The following BRD9 variants were observed in gnomAD, a reference collection of about 807,000 sequenced individuals.
BRD9 encodes the protein bromodomain-containing protein 9.
A neutral mutation model predicts 68.7 loss-of-function variants in BRD9; 47 were observed. That is an observed-to-expected ratio of 0.68 (90% CI 0.54 to 0.87). The LOEUF (loss-of-function observed/expected upper bound fraction) is 0.87, where lower values mean the gene tolerates loss of function less well. Among genes scored for constraint, BRD9 ranks in the 40% least tolerant of loss-of-function variants. BRD9 has a pLI of 0.00. For synonymous variants in BRD9, 313 were observed against 293.9 expected (o/e 1.06, Z -0.67); for missense variants, 670 against 748.4 (o/e 0.90, Z 1.22).
chr5:864,353 C>A lies in BRD9; in HGVS notation c.*115G>T. ...CAGACAATTCATTACCTCCCCGCGG[C>A]TGCTTCCCGCATGCCAAAGGGGACA... On this transcript the variant is annotated 3_prime_UTR_variant, in exon 16 of 16. Coordinates refer to ENST00000467963, the MANE Select transcript of BRD9 (RefSeq NM_023924.5). The A allele has an allele frequency of 1.2e-6, 1 of 827,272 alleles. No homozygotes were observed. The highest frequency in any genetic ancestry group is 1.8e-6 in the Non-Finnish European group (1 of 544,132). The allele number at this position is 827,272 out of a possible 1,614,324, so 51.2% of individuals were successfully genotyped here.
intron 11 of BRD9, 133 bp from the exon 12 acceptor site, chr5:876,345 T>C (rs942869464): frequency 3.2e-6 from 2 of 619,608 alleles, no homozygotes; most frequent in Middle Eastern, 3.9e-4. Flanking sequence ...GCGGGTATTT[T>C]GTGGGGAGTG....
At chr5:882,078 C>T (rs1373140838) in intron 8 of BRD9, 2 of 152,758 alleles carry the variant, frequency 1.3e-5, no homozygotes, top group Non-Finnish European at 2.9e-5. Flanking sequence ...AGGCATCTCC[C>T]AGCTCTATCT....
At chr5:877,420 C>T (rs937087694) in intron 11 of BRD9, among the ~76,000 whole-genome samples, 5 of 152,208 alleles carry the variant, frequency 3.3e-5, no homozygotes, top group African/African-American at 1.2e-4. Flanking sequence ...CAGGTTTTCA[C>T]TTATTTTATG....
chr5:882,702 C>G (rs1751955270), intron 8 of BRD9, among the ~76,000 whole-genome samples: 1 of 150,782 alleles, frequency 6.6e-6, no homozygotes, highest in Non-Finnish European at 1.5e-5. Flanking sequence ...CACAACCTCC[C>G]AACACATAAG....
At chr5:874,627 G>A (rs1560901863) in intron 12 of BRD9, among the ~76,000 whole-genome samples, 1 of 152,356 alleles carries the variant, frequency 6.6e-6, no homozygotes, top group East Asian at 1.9e-4. Context: ...AGTGACTGAG[G>A]ACTTCAAAAG....
At position 884,139 on chromosome 5, in the gene BRD9, G is replaced by A. The variant is rs530573691; in HGVS notation, c.834-69C>T. 1.3e-3 allele frequency: 2,048 copies of A among 1,576,536 alleles called. 1 individual carries two copies. Among genetic ancestry groups the A allele is most frequent in the South Asian group, 1.6e-3 (142 of 89,114 alleles). On this transcript the variant is annotated intron_variant, in intron 7 of 15. Coordinates refer to ENST00000467963, the MANE Select transcript of BRD9 (RefSeq NM_023924.5). Reference sequence around the variant, plus strand: ...ACCGCACACCTGCTCCCCATGCGTCGGCACCTAACCCAGCTTCTACCGACC... The same window carrying A: ...ACCGCACACCTGCTCCCCATGCGTCAGCACCTAACCCAGCTTCTACCGACC...
intron 14 of BRD9, among the ~76,000 whole-genome samples, chr5:867,864 G>A (rs1219731548): frequency 6.6e-6 from 1 of 152,258 alleles, no homozygotes; most frequent in Non-Finnish European, 1.5e-5. Context: ...ATGCTGGAAT[G>A]AGTTAAGACT....
At chr5:874,157 C>T (rs907192297) in intron 12 of BRD9, among the ~76,000 whole-genome samples, 5 of 151,136 alleles carry the variant, frequency 3.3e-5, no homozygotes, top group East Asian at 1.9e-4. Context: ...GCCTAGAGTG[C>T]GGTGGTGCAA....
chr5:881,358 C>G (rs903625762), intron 8 of BRD9, 176 bp from the exon 9 acceptor site: 1 of 643,352 alleles, frequency 1.6e-6, no homozygotes, highest in East Asian at 2.7e-5. Flanking sequence ...AACAGCAGAG[C>G]GCGCACAGGT....
At position 891,743 on chromosome 5, in the gene BRD9, C is replaced by T. The variant is rs1753441023; in HGVS notation, c.164G>A (p.Arg55Lys). The T allele has an allele frequency of 1.3e-6, 2 of 1,551,660 alleles. No individual in the cohort carries two copies. Among genetic ancestry groups the T allele is most frequent in the Non-Finnish European group, 1.7e-6 (2 of 1,147,010 alleles). Residue 55 changes from arginine to lysine, a missense_variant, in exon 2 of 16, where the codon AGG becomes AAG. By Grantham distance (26) the Arg-to-Lys change is conservative. This residue lies in a region of BRD9 where 161 missense variants were observed against 148.1 expected (regional missense o/e 1.09). Coordinates refer to ENST00000467963, the MANE Select transcript of BRD9 (RefSeq NM_023924.5). The stretch of plus-strand genomic sequence containing the variant: ...GTGCCTCTCTCGCTCATGGTCTGAC[C>T]TGTCATCATAGTAACTGGAGTCGTG... ...SGHDSSYYDDRSDHERERHKE... is the reference protein window; with the variant it reads ...SGHDSSYYDDKSDHERERHKE...
At chr5:877,438 A>G (rs1201306196) in intron 11 of BRD9, among the ~76,000 whole-genome samples, 7 of 152,222 alleles carry the variant, frequency 4.6e-5, no homozygotes, top group Non-Finnish European at 7.3e-5. Context: ...ATGAAGCACT[A>G]AGGGGATTCT....
At chr5:869,886 C>G (rs1370671713) in intron 14 of BRD9, among the ~76,000 whole-genome samples, 1 of 152,244 alleles carries the variant, frequency 6.6e-6, no homozygotes, top group East Asian at 1.9e-4. Context: ...GCAGACCAGT[C>G]CTCCTCGGCA....
intron 9 of BRD9, 44 bp downstream of exon 9, chr5:881,063 G>C (rs1751670126): frequency 6.3e-7 from 1 of 1,585,878 alleles, no homozygotes. Flanking sequence ...GGCCCAAAAA[G>C]CAGTGTACGG....
Position 876,162 on chromosome 5 carries a change from T to C in BRD9, c.1322A>G (p.Asp441Gly), listed in dbSNP as rs767745869. Residue 441 changes from aspartate to glycine, a missense_variant, in exon 12 of 16, where the codon GAC becomes GGC. This residue lies in a region of BRD9 where 280 missense variants were observed against 281.5 expected (regional missense o/e 0.99). Coordinates refer to ENST00000467963, the MANE Select transcript of BRD9 (RefSeq NM_023924.5). ...GCCTGTGATCTGGTCCAGGAGGTCG[T>C]CCACCACTTTCTTGCTGTAGCTCCC... is the stretch of plus-strand genomic sequence containing the variant. ...DAGSYSKKVV[D>G]DLLDQITGGD... 1.1e-5 allele frequency: 18 copies of C among 1,613,622 alleles called. No individual in the cohort carries two copies. The highest frequency in any genetic ancestry group is 1.5e-5 in the Non-Finnish European group (18 of 1,179,940).
intron 12 of BRD9, among the ~76,000 whole-genome samples, chr5:875,104 T>C (rs1342867640): frequency 6.6e-6 from 1 of 152,116 alleles, no homozygotes; most frequent in African/African-American, 2.4e-5. Context: ...AAGATAAAAG[T>C]TCAAAAGCTC....
At chr5:876,961 C>A (rs573507586) in intron 11 of BRD9, among the ~76,000 whole-genome samples, 1 of 152,342 alleles carries the variant, frequency 6.6e-6, no homozygotes, top group African/African-American at 2.4e-5. Context: ...GGTGTCTGTG[C>A]GCTGAGGCTG....
chr5:891,920 C>A (rs565902598), intron 1 of BRD9, 66 bp from the exon 2 acceptor site: 68 of 1,537,938 alleles, frequency 4.4e-5, no homozygotes, highest in African/African-American at 8.3e-5. Flanking sequence ...CCAGGTGAGA[C>A]GTGAAGGTGC....
intron 7 of BRD9, among the ~76,000 whole-genome samples, chr5:885,497 A>G (rs944764915): frequency 2.6e-5 from 4 of 152,234 alleles, no homozygotes; most frequent in African/African-American, 9.6e-5. Context: ...GGCCGTGACC[A>G]TCACAATTGC....
At chr5:891,375 G>C (rs1753366299) in intron 2 of BRD9, 88 bp from the exon 3 acceptor site, 1 of 1,480,818 alleles carries the variant, frequency 6.8e-7, no homozygotes, top group Non-Finnish European at 9.0e-7. Flanking sequence ...TCTCAGGGGA[G>C]GGACAGAACT....
Sources: allele counts gnomAD v4.1 joint callset (sites outside exome capture counted in the v4.1 genomes callset), GRCh38; gene constraint gnomAD v4.1.1; regional missense constraint gnomAD v4.1.1; transcripts MANE v1.5; gene names NCBI Gene and HGNC (gene_info 2026-07-23, HGNC 2026-07-21).